PLB1: variants seen among roughly 807,000 people sequenced by gnomAD.
The protein encoded by PLB1 is phospholipase B1.
In PLB1, 242 loss-of-function variants were observed where a neutral mutation model predicts 227.4. The ratio of observed to expected loss-of-function variants is 1.06; its 90% CI spans 0.96 to 1.18. The LOEUF is 1.18. PLB1 is among the 50% of genes most tolerant of loss of function. The pLI, the probability that PLB1 is intolerant of heterozygous loss-of-function variation, is 0.00. For synonymous variants in PLB1, 757 were observed against 682.2 expected (o/e 1.11, Z -1.71); for missense variants, 1,858 against 1,816.3 (o/e 1.02, Z -0.42).
At chr2:28,542,800 C>T (rs1335018856) in intron 13 of PLB1, among the ~76,000 whole-genome samples, 1 of 152,196 alleles carries the variant, frequency 6.6e-6, no homozygotes, top group Non-Finnish European at 1.5e-5. Context: ...CAGGCTCCTG[C>T]CTGTTGGAAT....
intron 26 of PLB1, among the ~76,000 whole-genome samples, chr2:28,586,980 C>T (rs1394727533): frequency 6.6e-6 from 1 of 152,150 alleles, no homozygotes; most frequent in African/African-American, 2.4e-5. Flanking sequence ...GACTCCTGCA[C>T]ACAAGCAATC....
At chr2:28,570,643 G>A (rs1677854238) in intron 20 of PLB1, among the ~76,000 whole-genome samples, 1 of 152,142 alleles carries the variant, frequency 6.6e-6, no homozygotes, top group Non-Finnish European at 1.5e-5. Context: ...AAAATTAGTT[G>A]GGTGTGGTGG....
At chr2:28,613,380 A>G (rs2148317339) in intron 43 of PLB1, among the ~76,000 whole-genome samples, 1 of 152,280 alleles carries the variant, frequency 6.6e-6, no homozygotes. Context: ...GCTGTCATTT[A>G]TACATTTTCT....
At position 28,604,667 on chromosome 2, in the gene PLB1, G is replaced by A. The variant is rs774243001; in HGVS notation, c.2869G>A (p.Glu957Lys). The A allele has an allele frequency of 9.9e-6, 16 of 1,613,944 alleles. No individual in the cohort carries two copies. Among genetic ancestry groups the A allele is most frequent in the Non-Finnish European group, 1.2e-5 (14 of 1,179,982 alleles). Residue 957 changes from glutamate to lysine, a missense_variant, in exon 41 of 58, where the codon GAG becomes AAG. Glu to Lys is a moderately conservative substitution (Grantham distance 56). Transcript: ENST00000327757. ...CATGTGTCCCCAGAGCAGCATGCGC[G>A]AGCTGGTGGGGTCAGGCCGCTATGA... is the stretch of plus-strand genomic sequence containing the variant. ...FSRAYRSSMR[E>K]LVGSGRYDTQ...
At chr2:28,530,377 A>G (rs1242832123) in intron 8 of PLB1, among the ~76,000 whole-genome samples, 2 of 152,224 alleles carry the variant, frequency 1.3e-5, no homozygotes, top group Non-Finnish European at 2.9e-5. Flanking sequence ...AAATGGGGTG[A>G]TAAAAGAGCT....
intron 44 of PLB1, among the ~76,000 whole-genome samples, chr2:28,615,572 C>T (rs1686081563): frequency 6.6e-6 from 1 of 152,194 alleles, no homozygotes; most frequent in African/African-American, 2.4e-5. Flanking sequence ...ATGCTGTGTC[C>T]AGCCTCTCTG....
At chr2:28,585,893 TTGCTC>T in intron 26 of PLB1, 51 bp downstream of exon 26, 2 of 1,467,864 alleles carry the variant, frequency 1.4e-6, no homozygotes, top group Non-Finnish European at 9.5e-7. Flanking sequence ...TGTGATTCGA[TTGCTC>T]TGTCTAGAGA....
chr2:28,543,165 A>G (rs1405914379), intron 13 of PLB1, 47 bp from the exon 14 acceptor site: 3 of 1,568,490 alleles, frequency 1.9e-6, no homozygotes, highest in South Asian at 1.2e-5. Context: ...GGTCCGTTGC[A>G]TTCCTGGGGA....
intron 56 of PLB1, among the ~76,000 whole-genome samples, chr2:28,635,101 T>C (rs1040745973): frequency 2.0e-5 from 3 of 152,112 alleles, no homozygotes; most frequent in Non-Finnish European, 2.9e-5. Flanking sequence ...CTGTCCATGG[T>C]TCCCCAGCCA....
chr2:28,642,739 C>G (rs1284128267), intron 57 of PLB1, 119 bp from the exon 58 acceptor site: 1 of 881,104 alleles, frequency 1.1e-6, no homozygotes, highest in East Asian at 2.7e-5. Flanking sequence ...AAAAGGGAAG[C>G]TCTGTGAAAA....
At chr2:28,630,315 G>C (rs1331032445) in intron 53 of PLB1, among the ~76,000 whole-genome samples, 2 of 152,192 alleles carry the variant, frequency 1.3e-5, no homozygotes, top group Non-Finnish European at 2.9e-5. Context: ...CTGTCCACAG[G>C]GAGGTCCAGG....
chr2:28,632,927 C>T lies in PLB1; in HGVS notation c.4003-17C>T. ...AGCCCTTTCCCAGGATGATAACCTC[C>T]TTGCCGTTGGTTGCAGAGAGGGGAC... On this transcript the variant is annotated splice_polypyrimidine_tract_variant and intron_variant, in intron 55 of 57. Coordinates refer to ENST00000327757, the MANE Select transcript of PLB1 (RefSeq NM_153021.5). 2 of 1,591,744 alleles carry T rather than the reference C, an allele frequency of 1.3e-6. No individual in the cohort carries two copies. Among genetic ancestry groups the T allele is most frequent in the Non-Finnish European group, 1.7e-6 (2 of 1,169,084 alleles).
chr2:28,566,875 G>C (rs755299107), intron 20 of PLB1, 36 bp downstream of exon 20: 176 of 1,612,742 alleles, frequency 1.1e-4, no homozygotes, highest in Non-Finnish European at 1.5e-4. Flanking sequence ...GTTTGGTTTG[G>C]GGCGGCCCCT....
rs1482749324 is a variant in PLB1 at position 28,592,738 on chromosome 2, C to T, written c.2247+19C>T. On this transcript the variant is annotated intron_variant, in intron 32 of 57. Transcript: ENST00000327757. ...TCTGACCGTAAGGACTCTTGGGCCC[C>T]AGGTGGTTTGGGGATAACTAGGCCA... 1.9e-6 allele frequency: 3 copies of T among 1,613,246 alleles called. No homozygotes were observed. Among genetic ancestry groups the T allele is most frequent in the African/African-American group, 1.3e-5 (1 of 74,904 alleles).
chr2:28,577,067 T>C (rs1679082077), intron 21 of PLB1, among the ~76,000 whole-genome samples: 1 of 152,236 alleles, frequency 6.6e-6, no homozygotes, highest in African/African-American at 2.4e-5. Context: ...AAGTTCTTTA[T>C]ATGGCACCTC....
At chr2:28,540,262 A>C (rs1672292079) in intron 11 of PLB1, 104 bp from the exon 12 acceptor site, 1 of 890,666 alleles carries the variant, frequency 1.1e-6, no homozygotes. Flanking sequence ...CTACTCCTTA[A>C]GCAACTCCTA....
intron 17 of PLB1, among the ~76,000 whole-genome samples, chr2:28,560,596 T>G (rs1261698597): frequency 6.6e-6 from 1 of 152,132 alleles, no homozygotes; most frequent in Non-Finnish European, 1.5e-5. Flanking sequence ...CAGTGAGCCA[T>G]GATCACACGC....
At chr2:28,576,914 G>A (rs1397446587) in intron 21 of PLB1, among the ~76,000 whole-genome samples, 2 of 152,200 alleles carry the variant, frequency 1.3e-5, no homozygotes, top group South Asian at 2.1e-4. Context: ...CATCAGGCCA[G>A]TAGGGCTAAT....
At chr2:28,501,378 A>G (rs1376899772) in intron 1 of PLB1, among the ~76,000 whole-genome samples, 1 of 152,018 alleles carries the variant, frequency 6.6e-6, no homozygotes, top group African/African-American at 2.4e-5. Flanking sequence ...AATATATCCC[A>G]CTCAGGGTGT....
Sources: allele counts gnomAD v4.1 joint callset (sites outside exome capture counted in the v4.1 genomes callset), GRCh38; gene constraint gnomAD v4.1.1; transcripts MANE v1.5; gene names NCBI Gene and HGNC (gene_info 2026-07-23, HGNC 2026-07-21).